Variants in PLXDC2 observed in about 807,000 individuals in gnomAD.
PLXDC2 encodes plexin domain-containing protein 2.
PLXDC2 carries 40 observed loss-of-function variants against 68.9 expected under a neutral mutation model. The ratio of observed to expected loss-of-function variants is 0.58; its 90% CI spans 0.45 to 0.76. The LOEUF (loss-of-function observed/expected upper bound fraction) is 0.76, where lower values mean the gene tolerates loss of function less well. Among genes scored for constraint, PLXDC2 ranks in the 30% least tolerant of loss-of-function variants. The pLI, the probability that PLXDC2 is intolerant of heterozygous loss-of-function variation, is 0.00. For synonymous variants in PLXDC2, 243 were observed against 234.2 expected, an observed-to-expected ratio of 1.04 and a Z score of -0.34; for missense variants, 644 against 661.9, an observed-to-expected ratio of 0.97 and a Z score of 0.30.
At chr10:19,984,060 C>A (rs112627390) in intron 1 of PLXDC2, among the ~76,000 whole-genome samples, 2 of 152,116 alleles carry the variant, frequency 1.3e-5, no homozygotes, top group Non-Finnish European at 2.9e-5. Flanking sequence ...CATGGGTCGT[C>A]GAAGTGTCAG....
At chr10:20,277,038 G>A (rs187393975) in intron 13 of PLXDC2, among the ~76,000 whole-genome samples, 63 of 151,886 alleles carry the variant, frequency 4.1e-4, no homozygotes, top group African/African-American at 1.3e-3. Context: ...GGTGAAACCC[G>A]TCTCTACTAA....
chr10:20,021,546 A>G lies in PLXDC2; in HGVS notation c.324+19560A>G, dbSNP rs76688091. 5.9e-5 allele frequency among the ~76,000 whole-genome samples: 9 copies of G among 152,110 alleles called. No homozygotes were observed. In the East Asian group the frequency reaches 1.4e-3, roughly 23 times the overall value. On this transcript the variant is annotated intron_variant, in intron 2 of 13. Transcript: ENST00000377252. ...TTCATCCACAGATTATTCACATATT[A>G]ATCCTCATCCTGACCTCTGTACACA... is the stretch of plus-strand genomic sequence containing the variant.
At chr10:19,954,562 G>GT (rs1834038536) in intron 1 of PLXDC2, among the ~76,000 whole-genome samples, 1 of 152,058 alleles carries the variant, frequency 6.6e-6, no homozygotes, top group Non-Finnish European at 1.5e-5. Context: ...CGTTAATTTT[G>GT]TTTTCACAAT....
chr10:20,005,604 G>A (rs577802733), intron 2 of PLXDC2, among the ~76,000 whole-genome samples: 1 of 152,120 alleles, frequency 6.6e-6, no homozygotes, highest in African/African-American at 2.4e-5. Context: ...GCCTCAGGAA[G>A]GTTTCAACCA....
chr10:19,847,949 C>G (rs1837041074), intron 1 of PLXDC2, among the ~76,000 whole-genome samples: 1 of 152,108 alleles, frequency 6.6e-6, no homozygotes, highest in South Asian at 2.1e-4. Flanking sequence ...ATTGTATATA[C>G]CTACCGATTG....
intron 4 of PLXDC2, among the ~76,000 whole-genome samples, chr10:20,142,012 G>A (rs558386311): frequency 1.3e-5 from 2 of 151,978 alleles, no homozygotes; most frequent in South Asian, 2.1e-4. Context: ...AAAGTTAAAA[G>A]GTATTCAAAG....
At chr10:20,072,226 C>T (rs960489705) in intron 4 of PLXDC2, among the ~76,000 whole-genome samples, 5 of 151,650 alleles carry the variant, frequency 3.3e-5, no homozygotes, top group Non-Finnish European at 7.4e-5. Context: ...CAAAATTAGC[C>T]GGGCATGGTG....
chr10:19,894,604 T>A (rs1838024049), intron 1 of PLXDC2, among the ~76,000 whole-genome samples: 1 of 152,198 alleles, frequency 6.6e-6, no homozygotes, highest in Non-Finnish European at 1.5e-5. Flanking sequence ...GCATAAGTAT[T>A]TTTATTTTTA....
chr10:20,167,366 AG>A (rs148812058), intron 7 of PLXDC2, among the ~76,000 whole-genome samples: 1 of 152,292 alleles, frequency 6.6e-6, no homozygotes, highest in African/African-American at 2.4e-5. Context: ...ACCCAAGATT[AG>A]CACAATGCAA....
rs529011661 is a variant in PLXDC2, at chr10:20,083,387, G to A, written c.541+15148G>A. ...AGCTACTCGGGAAGCTGAGGCAGGA[G>A]AATGGTGTGAACCCGGGAGGCGGAG... On this transcript the variant is annotated intron_variant, in intron 4 of 13. Transcript: ENST00000377252. Among the ~76,000 whole-genome samples the A allele has an allele frequency of 2.1e-3, 319 of 150,058 alleles. 1 individual carries two copies. Among genetic ancestry groups the A allele is most frequent in the Middle Eastern group, 7.1e-3 (2 of 282 alleles).
chr10:20,187,755 T>C (rs1465078599), intron 9 of PLXDC2, among the ~76,000 whole-genome samples: 1 of 151,912 alleles, frequency 6.6e-6, no homozygotes, highest in African/African-American at 2.4e-5. Context: ...GGGGATAGCT[T>C]TTAACAAAAG....
chr10:19,992,240 G>A (rs1195938471), intron 1 of PLXDC2, among the ~76,000 whole-genome samples: 2 of 152,066 alleles, frequency 1.3e-5, no homozygotes, highest in Non-Finnish European at 2.9e-5. Flanking sequence ...TTTCTAGGTG[G>A]GAAGAACCAT....
chr10:20,109,887 A>C (rs978774477), intron 4 of PLXDC2, among the ~76,000 whole-genome samples: 5 of 152,202 alleles, frequency 3.3e-5, no homozygotes, highest in Non-Finnish European at 2.9e-5. Flanking sequence ...TCAGCTTGCT[A>C]AACGGAGGAA....
At position 20,285,341 on chromosome 10, in the gene PLXDC2, G is replaced by A. The variant is rs998873091; in HGVS notation, c.*5522G>A. On this transcript the variant is annotated 3_prime_UTR_variant, in exon 14 of 14. Transcript: ENST00000377252. ...TTTATTGAACACCTACTGGAACCAAGTGACTGTGCTAGTAACTTGTGATAT... is the reference window on the plus strand; with the variant it reads ...TTTATTGAACACCTACTGGAACCAAATGACTGTGCTAGTAACTTGTGATAT... 2.0e-5 allele frequency: 3 copies of A among 152,146 alleles called. No individual in the cohort carries two copies. Among genetic ancestry groups the A allele is most frequent in the Admixed American group, 2.0e-4 (3 of 15,280 alleles). The allele number at this position is 152,146 out of a possible 1,614,324, so 9.4% of individuals were successfully genotyped here.
At chr10:19,924,713 T>G (rs1833510537) in intron 1 of PLXDC2, among the ~76,000 whole-genome samples, 1 of 152,230 alleles carries the variant, frequency 6.6e-6, no homozygotes. Context: ...GACAGATACC[T>G]TGTGTCCATG....
intron 12 of PLXDC2, among the ~76,000 whole-genome samples, chr10:20,235,014 G>A (rs986377647): frequency 3.9e-5 from 6 of 152,148 alleles, no homozygotes; most frequent in African/African-American, 9.7e-5. Context: ...AGATAACTGC[G>A]GAAGGGTTGA....
chr10:20,153,917 CA>C (rs1289882504), intron 6 of PLXDC2, among the ~76,000 whole-genome samples: 1 of 152,142 alleles, frequency 6.6e-6, no homozygotes, highest in Non-Finnish European at 1.5e-5. Flanking sequence ...CTTAGCCAGT[CA>C]TTATCATACC....
At chr10:19,979,236 C>G (rs1834508628) in intron 1 of PLXDC2, among the ~76,000 whole-genome samples, 1 of 152,100 alleles carries the variant, frequency 6.6e-6, no homozygotes, top group South Asian at 2.1e-4. Context: ...TTTTGTGATA[C>G]CTCTGCGTGA....
chr10:20,247,441 C>T (rs1247181533), intron 13 of PLXDC2, among the ~76,000 whole-genome samples: 1 of 151,794 alleles, frequency 6.6e-6, no homozygotes, highest in Non-Finnish European at 1.5e-5. Flanking sequence ...TGTGCCACTG[C>T]ATTCTAGCCT....
Sources: allele counts gnomAD v4.1 joint callset (sites outside exome capture counted in the v4.1 genomes callset), GRCh38; gene constraint gnomAD v4.1.1; transcripts MANE v1.5; gene names NCBI Gene and HGNC (gene_info 2026-07-23, HGNC 2026-07-21).